The following WASHC2C variants were observed in gnomAD, a reference collection of about 807,000 sequenced individuals.
The protein encoded by WASHC2C is WASH complex subunit 2C, also known as Vaccinia Penetration Factor.
Under a neutral mutation model 142.2 loss-of-function variants are expected in WASHC2C, and 73 were observed. The observed-to-expected ratio is 0.51, with a 90% CI of 0.43 to 0.62. The LOEUF is 0.62. WASHC2C is among the 20% of genes least tolerant of loss of function. The pLI is 0.00. For missense variants in WASHC2C, 969 were observed against 1,531.7 expected, an observed-to-expected ratio of 0.63 and a Z score of 6.13; for synonymous variants, 337 against 565.5, an observed-to-expected ratio of 0.60 and a Z score of 5.73.
intron 3 of WASHC2C, among the ~76,000 whole-genome samples, chr10:45,736,866 G>A (rs2051339647): frequency 6.6e-6 from 1 of 151,692 alleles, no homozygotes; most frequent in South Asian, 2.1e-4. Context: ...ACAATTTGGT[G>A]GTTTTTACTG....
intron 23 of WASHC2C, among the ~76,000 whole-genome samples, chr10:45,782,917 TG>T (rs2057634359): frequency 6.6e-6 from 1 of 151,812 alleles, no homozygotes; most frequent in South Asian, 2.1e-4. Context: ...TAGTAGTTAC[TG>T]GGGGCTGGGA....
At chr10:45,788,074 C>T (rs1554891014) in intron 28 of WASHC2C, among the ~76,000 whole-genome samples, 2 of 152,176 alleles carry the variant, frequency 1.3e-5, no homozygotes, top group East Asian at 1.9e-4. Context: ...TTGTGCAAAA[C>T]AAAACAGCCT....
chr10:45,763,181 C>T (rs2055351810), intron 17 of WASHC2C, among the ~76,000 whole-genome samples: 1 of 152,188 alleles, frequency 6.6e-6, no homozygotes, highest in Non-Finnish European at 1.5e-5. Flanking sequence ...TCCTGTAGCT[C>T]TCCTCCTCCT....
chr10:45,784,311 T>TATATATATATAC (rs200659699), intron 23 of WASHC2C, among the ~76,000 whole-genome samples: 5 of 58,150 alleles, frequency 8.6e-5, no homozygotes, highest in Non-Finnish European at 1.7e-4. Context: ...TATATATATA[T>TATATATATATAC]ACACACACAT....
chr10:45,787,650 A>G (rs2058141870), intron 28 of WASHC2C, among the ~76,000 whole-genome samples: 1 of 151,352 alleles, frequency 6.6e-6, no homozygotes. Context: ...AATCGGTGCC[A>G]GCCCATGTGT....
rs572744900 is a variant in WASHC2C at position 45,736,374 on chromosome 10, C to T, written c.292-1609C>T. 5.5e-3 allele frequency among the ~76,000 whole-genome samples: 712 copies of T among 130,576 alleles called. 3 individuals carry two copies. The highest frequency in any genetic ancestry group is 0.019 in the Middle Eastern group (4 of 206). The allele number at this position is 130,576 out of a possible 152,430, so 85.7% of individuals were successfully genotyped here. ...TGAGCCGAGATCGCACCACTGCACT[C>T]CAGCCTTGGCAACAGAGTGAGACTC... On this transcript the variant is annotated intron_variant, in intron 3 of 30. Transcript: ENST00000623400.
intron 2 of WASHC2C, 65 bp from the exon 3 acceptor site, chr10:45,728,797 T>G: frequency 6.5e-7 from 1 of 1,533,344 alleles, no homozygotes; most frequent in Non-Finnish European, 8.8e-7. Flanking sequence ...GGTTCTTTTT[T>G]GATGTGACAT....
chr10:45,747,227 G>A (rs1327653979), intron 8 of WASHC2C, among the ~76,000 whole-genome samples: 9 of 152,066 alleles, frequency 5.9e-5, no homozygotes, highest in Non-Finnish European at 8.8e-5. Context: ...TGCAACCTCC[G>A]CCTCCTGGGT....
At chr10:45,737,091 G>A (rs1288160985) in intron 3 of WASHC2C, among the ~76,000 whole-genome samples, 2 of 149,126 alleles carry the variant, frequency 1.3e-5, no homozygotes, top group Non-Finnish European at 3.0e-5. Flanking sequence ...AGTTCCTCCT[G>A]ACTAAGCCCC....
intron 3 of WASHC2C, among the ~76,000 whole-genome samples, chr10:45,734,597 GAA>G (rs1250333972): frequency 2.0e-5 from 3 of 150,884 alleles, no homozygotes; most frequent in African/African-American, 7.3e-5. Context: ...CAAGTGCTAA[GAA>G]AATGTAGCAC....
At chr10:45,761,176 T>G (rs2055027865) in intron 17 of WASHC2C, among the ~76,000 whole-genome samples, 1 of 151,634 alleles carries the variant, frequency 6.6e-6, no homozygotes, top group Admixed American at 6.6e-5. Context: ...CTCACTCATA[T>G]GTCTGGTACC....
intron 21 of WASHC2C, among the ~76,000 whole-genome samples, 179 bp downstream of exon 21, chr10:45,773,537 G>A (rs1386429425): frequency 7.2e-5 from 11 of 152,292 alleles, no homozygotes; most frequent in Non-Finnish European, 1.0e-4. Context: ...AGAAGCACAC[G>A]TGCAAAGCCA....
At chr10:45,775,640 T>G (rs533670151) in intron 21 of WASHC2C, among the ~76,000 whole-genome samples, 290 of 151,904 alleles carry the variant, frequency 1.9e-3, no homozygotes, top group African/African-American at 6.7e-3. Flanking sequence ...TTGCCATACT[T>G]AAGTCTCTTT....
rs574192995 is a variant in WASHC2C at position 45,784,673 on chromosome 10, G to A, written c.2587G>A (p.Ala863Thr). The change falls in exon 24 of 31, where the codon GCT becomes ACT. Residue 863 changes from alanine to threonine, a missense_variant. By Grantham distance (58) the Ala-to-Thr change is moderately conservative (BLOSUM62 0). Coordinates refer to ENST00000623400, the MANE Select transcript of WASHC2C (RefSeq NM_001330074.2). ...KDNDPDVDLF[A>T]GTKKTKLLEP... The stretch of plus-strand genomic sequence containing the variant: ...CAATGACCCAGATGTTGACCTTTTT[G>A]CTGGCACCAAAAAAACCAAGGTCAG... 1.2e-6 allele frequency: 2 copies of A among 1,607,476 alleles called. No homozygotes were observed. Among genetic ancestry groups the A allele is most frequent in the South Asian group, 2.2e-5 (2 of 90,724 alleles).
intron 20 of WASHC2C, among the ~76,000 whole-genome samples, chr10:45,770,075 C>T (rs2135370349): frequency 6.6e-6 from 1 of 151,032 alleles, no homozygotes; most frequent in Non-Finnish European, 1.5e-5. Context: ...CCTGTCTCTA[C>T]TAAAAAAATA....
chr10:45,757,696 C>A (rs1232220059), intron 16 of WASHC2C, among the ~76,000 whole-genome samples: 3 of 151,972 alleles, frequency 2.0e-5, no homozygotes, highest in African/African-American at 7.3e-5. Context: ...CCATTTACGG[C>A]AGTGATCCCC....
At chr10:45,727,222 A>C (rs1294276590), upstream of WASHC2C, 1 of 1,507,806 alleles carries the variant, frequency 6.6e-7, no homozygotes, top group African/African-American at 1.4e-5. Context: ...GAGGCCGGTC[A>C]CGCCCCGGGC....
At position 45,769,626 on chromosome 10, in the gene WASHC2C, A is replaced by T. The variant is rs782458322; in HGVS notation, c.2039+8A>T. On this transcript the variant is annotated splice_region_variant and intron_variant, in intron 20 of 30. Coordinates refer to ENST00000623400, the MANE Select transcript of WASHC2C (RefSeq NM_001330074.2). Reference sequence around the variant, plus strand: ...TGCCATTGCCAAGGACAGGTGAGATAGTCATTGGAAGGAGTCCCTCACTCC... The same window carrying T: ...TGCCATTGCCAAGGACAGGTGAGATTGTCATTGGAAGGAGTCCCTCACTCC... 2 of 1,611,962 alleles carry T rather than the reference A, an allele frequency of 1.2e-6. No individual in the cohort carries two copies. Among genetic ancestry groups the T allele is most frequent in the Non-Finnish European group, 1.7e-6 (2 of 1,179,854 alleles).
Position 45,738,845 on chromosome 10 carries a change from C to T in WASHC2C, c.354+800C>T, listed in dbSNP as rs568680581. On this transcript the variant is annotated intron_variant, in intron 4 of 30. Coordinates refer to ENST00000623400, the MANE Select transcript of WASHC2C (RefSeq NM_001330074.2). ...TCAGCTTCCCGAGTAGCTGGGACTA[C>T]AGGCGTGTGCCACCACGCCTGGCTA... is the stretch of plus-strand genomic sequence containing the variant. Among the ~76,000 whole-genome samples the T allele has an allele frequency of 8.0e-3, 1,213 of 152,278 alleles. 10 individuals carry two copies. The highest frequency in any genetic ancestry group is 0.014 in the Middle Eastern group (4 of 294).
Sources: gnomAD v4.1 joint callset for allele counts (sites outside exome capture counted in the v4.1 genomes callset) on GRCh38, gnomAD v4.1.1 for gene constraint, MANE v1.5 for transcripts, NCBI Gene and HGNC (gene_info 2026-07-23, HGNC 2026-07-21) for gene names.